The following FAM227B variants were observed in gnomAD, a reference collection of about 807,000 sequenced individuals.
FAM227B encodes protein FAM227B.
Under a neutral mutation model 73.8 loss-of-function variants are expected in FAM227B, and 88 were observed. That is an observed-to-expected ratio of 1.19 (90% CI 1.00 to 1.42). The LOEUF (loss-of-function observed/expected upper bound fraction) is 1.42, where lower values mean the gene tolerates loss of function less well. Ranked by LOEUF, FAM227B falls within the 40% of genes most tolerant of loss-of-function variation. The pLI, the probability that FAM227B is intolerant of heterozygous loss-of-function variation, is 0.00. For synonymous variants in FAM227B, 210 were observed against 190.5 expected (o/e 1.10, Z -0.84); for missense variants, 632 against 590.9 (o/e 1.07, Z -0.72).
At chr15:49,569,242 G>C (rs572631881) in intron 8 of FAM227B, among the ~76,000 whole-genome samples, 44 of 150,304 alleles carry the variant, frequency 2.9e-4, no homozygotes, top group Non-Finnish European at 5.2e-4. Context: ...TATAATTTTA[G>C]TAATTATAGT....
At chr15:49,514,987 C>A (rs1167687320) in intron 10 of FAM227B, among the ~76,000 whole-genome samples, 1 of 152,056 alleles carries the variant, frequency 6.6e-6, no homozygotes, top group Non-Finnish European at 1.5e-5. Flanking sequence ...GCCACGAGCT[C>A]CAGGACAAAT....
intron 1 of FAM227B, among the ~76,000 whole-genome samples, chr15:49,618,406 T>C (rs1598605964): frequency 1.3e-5 from 2 of 152,372 alleles, no homozygotes; most frequent in South Asian, 2.1e-4. Flanking sequence ...TGTATTTCAC[T>C]GTGATGCTTT....
intron 11 of FAM227B, among the ~76,000 whole-genome samples, chr15:49,410,283 A>G (rs1567227922): frequency 6.6e-6 from 1 of 152,158 alleles, no homozygotes; most frequent in Non-Finnish European, 1.5e-5. Flanking sequence ...CAAATGCAGA[A>G]TGTCTGATTG....
At chr15:49,494,010 T>G (rs374476312) in intron 11 of FAM227B, among the ~76,000 whole-genome samples, 35 of 151,946 alleles carry the variant, frequency 2.3e-4, no homozygotes, top group African/African-American at 8.2e-4. Context: ...TAATCAATTT[T>G]ATGAGGATCA....
intron 11 of FAM227B, among the ~76,000 whole-genome samples, chr15:49,461,724 T>C (rs894263324): frequency 6.6e-6 from 1 of 152,236 alleles, no homozygotes; most frequent in African/African-American, 2.4e-5. Context: ...AAAATTTTTA[T>C]ACTCCATTAA....
chr15:49,491,474 A>G (rs2057087299), intron 11 of FAM227B, among the ~76,000 whole-genome samples: 1 of 151,700 alleles, frequency 6.6e-6, no homozygotes. Flanking sequence ...AGTCCATTGT[A>G]TTTATCATGA....
intron 11 of FAM227B, among the ~76,000 whole-genome samples, chr15:49,449,644 A>C (rs551197979): frequency 6.6e-6 from 1 of 152,144 alleles, no homozygotes; most frequent in East Asian, 1.9e-4. Context: ...AATATGCCAT[A>C]CTGTCGGCTC....
intron 3 of FAM227B, among the ~76,000 whole-genome samples, chr15:49,603,570 T>C (rs977105515): frequency 2.0e-5 from 3 of 152,230 alleles, no homozygotes; most frequent in South Asian, 2.1e-4. Context: ...GATCGTATCA[T>C]CTGCAAACAA....
At chr15:49,333,357 T>C (rs1364402922) in intron 14 of FAM227B, among the ~76,000 whole-genome samples, 2 of 152,186 alleles carry the variant, frequency 1.3e-5, no homozygotes, top group African/African-American at 4.8e-5. Context: ...ACGTGAGATT[T>C]ATATATCCAA....
intron 11 of FAM227B, among the ~76,000 whole-genome samples, chr15:49,414,515 G>A (rs185832638): frequency 2.8e-4 from 43 of 152,252 alleles, no homozygotes; most frequent in Admixed American, 2.8e-3. Context: ...ATTGGAAAAA[G>A]AAAAGTAGAG....
intron 15 of FAM227B, chr15:49,331,201 T>C (rs2038666169): frequency 6.6e-6 from 1 of 152,306 alleles, no homozygotes; most frequent in African/African-American, 2.4e-5. Flanking sequence ...TTGTCCAGCA[T>C]TCAGACATAT....
At chr15:49,444,084 T>C (rs2051946912) in intron 11 of FAM227B, among the ~76,000 whole-genome samples, 1 of 151,686 alleles carries the variant, frequency 6.6e-6, no homozygotes, top group South Asian at 2.1e-4. Flanking sequence ...ACCTTTCTTA[T>C]AAGGATCTTA....
chr15:49,458,503 A>T (rs962115118), intron 11 of FAM227B, among the ~76,000 whole-genome samples: 1 of 152,082 alleles, frequency 6.6e-6, no homozygotes, highest in African/African-American at 2.4e-5. Context: ...TTTAAGATTC[A>T]ACACACTTTT....
Position 49,568,301 on chromosome 15 carries a change from T to C in FAM227B, c.691A>G (p.Ser231Gly). The change falls in exon 9 of 16, where the codon AGT becomes GGT. Residue 231 changes from serine to glycine, a missense_variant. By Grantham distance (56) the Ser-to-Gly change is moderately conservative. Coordinates refer to ENST00000299338, the MANE Select transcript of FAM227B (RefSeq NM_152647.3). ...ATGCTCATGAAAAGTGTCACATAAC[T>C]TTCTGAAATTCTATCGAATAAGCAA... ...QDCLFDRISE[S>G]YVTLFMSIPL... 1 of 1,611,520 alleles carries C rather than the reference T, an allele frequency of 6.2e-7. No individual in the cohort carries two copies. Among genetic ancestry groups the C allele is most frequent in the Non-Finnish European group, 8.5e-7 (1 of 1,178,850 alleles).
chr15:49,411,809 C>T (rs911970553), intron 11 of FAM227B, among the ~76,000 whole-genome samples: 1 of 152,070 alleles, frequency 6.6e-6, no homozygotes, highest in African/African-American at 2.4e-5. Context: ...GCTTTGAATT[C>T]AAACTTGTCT....
At chr15:49,604,913 ATC>A (rs958608465) in intron 3 of FAM227B, among the ~76,000 whole-genome samples, 37 of 151,826 alleles carry the variant, frequency 2.4e-4, no homozygotes, top group Non-Finnish European at 1.8e-4. Flanking sequence ...ATGATTTTTT[ATC>A]TCTTTTATAA....
intron 13 of FAM227B, among the ~76,000 whole-genome samples, chr15:49,361,880 C>G (rs893650139): frequency 6.6e-6 from 1 of 152,062 alleles, no homozygotes; most frequent in African/African-American, 2.4e-5. Flanking sequence ...ATAAGCATTC[C>G]TTTTCTCTGC....
intron 5 of FAM227B, among the ~76,000 whole-genome samples, chr15:49,585,027 G>C (rs547884446): frequency 6.6e-6 from 1 of 152,138 alleles, no homozygotes; most frequent in African/African-American, 2.4e-5. Context: ...AAAAGTGGGC[G>C]AAGGATATGA....
intron 10 of FAM227B, among the ~76,000 whole-genome samples, chr15:49,541,421 T>G (rs1224974693): frequency 6.6e-6 from 1 of 152,130 alleles, no homozygotes; most frequent in East Asian, 1.9e-4. Flanking sequence ...GTATGACTAT[T>G]TCTGTGACAT....
Sources: gnomAD v4.1 joint callset for allele counts (sites outside exome capture counted in the v4.1 genomes callset) on GRCh38, gnomAD v4.1.1 for gene constraint, MANE v1.5 for transcripts, NCBI Gene and HGNC (gene_info 2026-07-23, HGNC 2026-07-21) for gene names.